Variants in LINGO2 observed in about 807,000 individuals in gnomAD.
LINGO2 encodes leucine rich repeat and Ig domain containing 2, also known as leucine-rich repeat and immunoglobulin-like domain-containing nogo receptor-interacting protein 2.
A neutral mutation model predicts 30.6 loss-of-function variants in LINGO2; 14 were observed. The observed-to-expected ratio is 0.46, with a 90% CI of 0.30 to 0.72. LINGO2 has a LOEUF of 0.72. Among genes scored for constraint, LINGO2 ranks in the 30% least tolerant of loss-of-function variants. LINGO2 has a pLI of 0.07. For missense variants in LINGO2, 729 were observed against 751.7 expected (o/e 0.97, Z 0.35); for synonymous variants, 317 against 288.5 (o/e 1.10, Z -1.00).
intron 3 of LINGO2, among the ~76,000 whole-genome samples, chr9:28,333,658 G>A (rs1052025414): frequency 3.3e-5 from 5 of 152,064 alleles, no homozygotes; most frequent in African/African-American, 7.2e-5. Context: ...AAGCTGTGAC[G>A]TACTCTTAAG....
chr9:28,511,200 A>T (rs1220068513), intron 1 of LINGO2, among the ~76,000 whole-genome samples: 1 of 152,206 alleles, frequency 6.6e-6, no homozygotes, highest in Non-Finnish European at 1.5e-5. Flanking sequence ...TCAAATTGGC[A>T]GAAGCATTAT....
the LINGO2 span, among the ~76,000 whole-genome samples, chr9:28,729,613 G>T: frequency 6.6e-6 from 1 of 151,148 alleles, no homozygotes. Flanking sequence ...TATCCTAAAT[G>T]AAAACTTAAA....
At chr9:28,300,827 G>A (rs1824112332) in intron 3 of LINGO2, among the ~76,000 whole-genome samples, 1 of 151,198 alleles carries the variant, frequency 6.6e-6, no homozygotes. Flanking sequence ...TGTGAACGGG[G>A]AAGTAAACCA....
At chr9:28,931,493 G>A in the LINGO2 span, among the ~76,000 whole-genome samples, 1 of 152,168 alleles carries the variant, frequency 6.6e-6, no homozygotes, top group Non-Finnish European at 1.5e-5. Flanking sequence ...AGATCAGATA[G>A]CCTGACTTCT....
chr9:28,081,044 C>T (rs527674315), intron 4 of LINGO2: 1 of 152,300 alleles, frequency 6.6e-6, no homozygotes, highest in East Asian at 1.9e-4. Flanking sequence ...AGAGGATTCA[C>T]TAATTGAAAA....
intron 4 of LINGO2, among the ~76,000 whole-genome samples, chr9:28,052,038 C>T (rs1183609082): frequency 4.6e-5 from 7 of 152,022 alleles, no homozygotes; most frequent in Non-Finnish European, 8.8e-5. Context: ...GCACTATGCT[C>T]TCTGCGTTCT....
At chr9:28,367,169 C>A (rs114980583) in intron 3 of LINGO2, among the ~76,000 whole-genome samples, 2,578 of 150,384 alleles carry the variant, frequency 0.017, 78 homozygotes, top group African/African-American at 0.061. Flanking sequence ...ATGTTCTATA[C>A]ATTTATTTCA....
At chr9:28,925,328 C>T in the LINGO2 span, among the ~76,000 whole-genome samples, 1 of 152,168 alleles carries the variant, frequency 6.6e-6, no homozygotes, top group African/African-American at 2.4e-5. Flanking sequence ...GATGTAACTA[C>T]ATGACTAACG....
At chr9:28,369,513 T>C (rs1048492015) in intron 3 of LINGO2, among the ~76,000 whole-genome samples, 1 of 152,232 alleles carries the variant, frequency 6.6e-6, no homozygotes, top group Non-Finnish European at 1.5e-5. Flanking sequence ...CAAGATTTAC[T>C]GACATTTGGG....
At chr9:28,413,509 A>C (rs1007190251) in intron 2 of LINGO2, among the ~76,000 whole-genome samples, 1 of 152,110 alleles carries the variant, frequency 6.6e-6, no homozygotes, top group Non-Finnish European at 1.5e-5. Flanking sequence ...TCTCCCTCTC[A>C]GTAGCTCTGT....
At chr9:28,918,869 A>G in the LINGO2 span, among the ~76,000 whole-genome samples, 1 of 152,164 alleles carries the variant, frequency 6.6e-6, no homozygotes, top group African/African-American at 2.4e-5. Context: ...AAAAACAATC[A>G]TATTAGCAAA....
At chr9:28,746,507 A>C in the LINGO2 span, among the ~76,000 whole-genome samples, 1 of 152,028 alleles carries the variant, frequency 6.6e-6, no homozygotes, top group Non-Finnish European at 1.5e-5. Flanking sequence ...TACGTGAAGA[A>C]TATTATGATA....
At chr9:28,839,718 C>T in the LINGO2 span, among the ~76,000 whole-genome samples, 1 of 152,142 alleles carries the variant, frequency 6.6e-6, no homozygotes, top group African/African-American at 2.4e-5. Context: ...GATAAAGTAC[C>T]ATAAGTTCTC....
At chr9:28,484,559 AG>A (rs1163059154) in intron 1 of LINGO2, among the ~76,000 whole-genome samples, 16 of 152,092 alleles carry the variant, frequency 1.1e-4, no homozygotes, top group African/African-American at 3.6e-4. Context: ...ACATGTTTGT[AG>A]ATACTTCACT....
At chr9:28,406,962 G>C (rs1411325990) in intron 2 of LINGO2, among the ~76,000 whole-genome samples, 1 of 152,080 alleles carries the variant, frequency 6.6e-6, no homozygotes, top group African/African-American at 2.4e-5. Context: ...ATCCCAATTA[G>C]TCTCTTAATT....
chr9:28,311,879 G>C (rs549604099), intron 3 of LINGO2, among the ~76,000 whole-genome samples: 1 of 152,328 alleles, frequency 6.6e-6, no homozygotes, highest in African/African-American at 2.4e-5. Context: ...GATAGGGGAA[G>C]TGATAAGTAT....
chr9:29,081,343 T>C, the LINGO2 span, among the ~76,000 whole-genome samples: 3 of 152,052 alleles, frequency 2.0e-5, no homozygotes, highest in Admixed American at 2.0e-4. Flanking sequence ...TATGATTATC[T>C]CCATAGATGC....
At chr9:28,650,133 T>C (rs888783131) in intron 1 of LINGO2, among the ~76,000 whole-genome samples, 3 of 151,900 alleles carry the variant, frequency 2.0e-5, no homozygotes, top group Admixed American at 1.3e-4. Context: ...TATTACTATA[T>C]TAAGAAATGA....
the LINGO2 span, among the ~76,000 whole-genome samples, chr9:28,742,477 G>T: frequency 2.0e-5 from 3 of 151,520 alleles, no homozygotes; most frequent in Non-Finnish European, 4.4e-5. Context: ...CTCAGTGGTT[G>T]CGATTGGGCT....
Sources: gnomAD v4.1 joint callset for allele counts (sites outside exome capture counted in the v4.1 genomes callset) on GRCh38, gnomAD v4.1.1 for gene constraint, MANE v1.5 for transcripts, NCBI Gene and HGNC (gene_info 2026-07-23, HGNC 2026-07-21) for gene names.